Variants in XRN2 observed in about 807,000 individuals in gnomAD.
XRN2 encodes 5'-3' exoribonuclease 2.
A neutral mutation model predicts 138.5 loss-of-function variants in XRN2; 44 were observed. The observed-to-expected ratio is 0.32, with a 90% CI of 0.25 to 0.41. XRN2 has a LOEUF of 0.41. Ranked by LOEUF, XRN2 falls within the 10% of genes least tolerant of loss-of-function variation. The pLI, the probability that XRN2 is intolerant of heterozygous loss-of-function variation, is 1.00. For synonymous variants in XRN2, 354 were observed against 369.4 expected (o/e 0.96, Z 0.48); for missense variants, 937 against 1,169.3 (o/e 0.80, Z 2.90).
At chr20:21,334,235 C>A in intron 13 of XRN2, 50 bp downstream of exon 13, 1 of 1,421,150 alleles carries the variant, frequency 7.0e-7, no homozygotes, top group Non-Finnish European at 9.9e-7. Context: ...CTCTAATAGG[C>A]TATGATGATC....
At chr20:21,359,700 G>A (rs892583070) in intron 24 of XRN2, among the ~76,000 whole-genome samples, 9 of 152,198 alleles carry the variant, frequency 5.9e-5, no homozygotes, top group Non-Finnish European at 7.4e-5. Context: ...TCTCTGAAGG[G>A]CGGCAACATT....
At chr20:21,338,070 A>T (rs184790975) in intron 13 of XRN2, among the ~76,000 whole-genome samples, 1 of 152,196 alleles carries the variant, frequency 6.6e-6, no homozygotes, top group Non-Finnish European at 1.5e-5. Context: ...TGTATCCGGC[A>T]TTCAGCTTTT....
At chr20:21,315,288 C>G (rs1316671441) in intron 1 of XRN2, among the ~76,000 whole-genome samples, 4 of 152,280 alleles carry the variant, frequency 2.6e-5, no homozygotes, top group Non-Finnish European at 5.9e-5. Flanking sequence ...CTGAGTTAGT[C>G]CAAGGCCAGC....
chr20:21,355,977 G>T (rs1368421307), intron 21 of XRN2, 103 bp from the exon 22 acceptor site: 2 of 683,814 alleles, frequency 2.9e-6, no homozygotes, highest in East Asian at 5.7e-5. Flanking sequence ...TTATAATTAA[G>T]TTCTTAACAC....
chr20:21,356,053 A>C, intron 21 of XRN2, 27 bp from the exon 22 acceptor site: 2 of 1,578,952 alleles, frequency 1.3e-6, no homozygotes, highest in East Asian at 4.5e-5. Flanking sequence ...TTTTATGTGT[A>C]GGTCTTATTC....
chr20:21,368,492 G>C lies in XRN2; in HGVS notation c.2486G>C (p.Gly829Ala). The C allele has an allele frequency of 6.2e-7, 1 of 1,613,998 alleles. No individual in the cohort carries two copies. The highest frequency in any genetic ancestry group is 8.5e-7 in the Non-Finnish European group (1 of 1,179,942). ...GTGATGCCAAGAGGCTCAGGAACTG[G>C]CATTTACAGCAATGCTGCACCACCA... The part of the protein sequence containing the change: ...GHVMPRGSGT[G>A]IYSNAAPPPV... The change falls in exon 27 of 30, where the codon GGC becomes GCC. Residue 829 changes from glycine (G) to alanine (A), a missense_variant. Coordinates refer to ENST00000377191, the MANE Select transcript of XRN2 (RefSeq NM_012255.5).
chr20:21,356,888 T>G (rs2038581811), intron 23 of XRN2, among the ~76,000 whole-genome samples: 1 of 152,188 alleles, frequency 6.6e-6, no homozygotes, highest in South Asian at 2.1e-4. Flanking sequence ...CAGGATATTC[T>G]GAAGGTTAAA....
intron 1 of XRN2, among the ~76,000 whole-genome samples, chr20:21,313,111 C>T (rs1477059649): frequency 1.3e-5 from 2 of 152,240 alleles, no homozygotes; most frequent in African/African-American, 4.8e-5. Flanking sequence ...GGAGACTCTG[C>T]TTTTTGTTAC....
chr20:21,389,150 T>G, intron 29 of XRN2, 123 bp from the exon 30 acceptor site: 1 of 799,594 alleles, frequency 1.3e-6, no homozygotes, highest in South Asian at 2.2e-5. Context: ...GGCCTTTCCA[T>G]GTGCTGTACC....
intron 15 of XRN2, among the ~76,000 whole-genome samples, chr20:21,343,830 C>T (rs1216652438): frequency 6.6e-6 from 1 of 151,260 alleles, no homozygotes; most frequent in African/African-American, 2.4e-5. Flanking sequence ...TTTTTTTCTT[C>T]AGAAACTTTT....
chr20:21,352,373 G>A (rs1374703958), intron 20 of XRN2, among the ~76,000 whole-genome samples: 2 of 151,854 alleles, frequency 1.3e-5, no homozygotes, highest in African/African-American at 4.8e-5. Context: ...TGTTGCCCAG[G>A]CTGGAGTGCA....
In XRN2 at chr20:21,326,495, C is replaced by T. The variant is rs371800917; in HGVS notation, c.209C>T (p.Ala70Val). Residue 70 changes from alanine to valine, a missense_variant, in exon 3 of 30, where the codon GCA becomes GTA. Physicochemically the swap from Ala to Val is moderately conservative, Grantham distance 64 (BLOSUM62 0). Transcript: ENST00000377191. ...TTGTTTGGTTGTCATTATAGACCAG[C>T]ACCAAAAAATGAAGATGAAATGATG... ...HPCTHPEDKP[A>V]PKNEDEMMVA... 2 of 1,613,818 alleles carry T rather than the reference C, an allele frequency of 1.2e-6. No homozygotes were observed. The highest frequency in any genetic ancestry group is 2.2e-5 in the South Asian group (2 of 91,052).
chr20:21,356,727 CTTG>C (rs2038580140), intron 23 of XRN2, 62 bp downstream of exon 23: 2 of 1,384,300 alleles, frequency 1.4e-6, no homozygotes, highest in East Asian at 2.3e-5. Flanking sequence ...GATTTTTTTC[CTTG>C]TTGTCTAAAT....
chr20:21,326,209 T>C, intron 1 of XRN2, 70 bp from the exon 2 acceptor site: 1 of 1,472,346 alleles, frequency 6.8e-7, no homozygotes, highest in African/African-American at 1.4e-5. Context: ...CACAAGTTCA[T>C]ATTGAGCCTA....
At chr20:21,325,517 A>G (rs1191802905) in intron 1 of XRN2, among the ~76,000 whole-genome samples, 2 of 152,194 alleles carry the variant, frequency 1.3e-5, no homozygotes, top group African/African-American at 2.4e-5. Context: ...GTGACATTTG[A>G]TTTGAGTGTA....
At chr20:21,353,509 G>A (rs1025499458) in intron 20 of XRN2, among the ~76,000 whole-genome samples, 2 of 150,946 alleles carry the variant, frequency 1.3e-5, no homozygotes, top group African/African-American at 2.4e-5. Context: ...AAAAAAAAAA[G>A]ATCAGGTGCA....
intron 27 of XRN2, among the ~76,000 whole-genome samples, chr20:21,374,758 C>T (rs2038799756): frequency 6.6e-6 from 1 of 151,822 alleles, no homozygotes; most frequent in Non-Finnish European, 1.5e-5. Context: ...AGTTTTATTT[C>T]CCTTTTTTGG....
chr20:21,332,392 A>T lies in XRN2; in HGVS notation c.810A>T (p.Gly270=). Residue 270 remains glycine (G), a synonymous_variant, in exon 9 of 30, where the codon GGA becomes GGT. Coordinates refer to ENST00000377191, the MANE Select transcript of XRN2 (RefSeq NM_012255.5). Reference sequence around the variant, plus strand: ...CATGTGGTCTTTGTAATCAGTTTGGACATGAGGTCAAAGATTGTGAAGGTT... The same window carrying T: ...CATGTGGTCTTTGTAATCAGTTTGGTCATGAGGTCAAAGATTGTGAAGGTT... ...PKPCGLCNQF[G]HEVKDCEGLP... 6.2e-7 allele frequency: 1 copy of T among 1,613,640 alleles called. No individual in the cohort carries two copies.
chr20:21,384,957 A>G (rs2038922698), intron 28 of XRN2, among the ~76,000 whole-genome samples: 1 of 152,238 alleles, frequency 6.6e-6, no homozygotes, highest in South Asian at 2.1e-4. Flanking sequence ...TTTCTGTCAT[A>G]AAAGTCAGAA....
Sources: allele counts gnomAD v4.1 joint callset (sites outside exome capture counted in the v4.1 genomes callset), GRCh38; gene constraint gnomAD v4.1.1; transcripts MANE v1.5; gene names NCBI Gene and HGNC (gene_info 2026-07-23, HGNC 2026-07-21).